The following SLC22A3 variants were observed in gnomAD, a reference collection of about 807,000 sequenced individuals.
The protein encoded by SLC22A3 is solute carrier family 22 member 3, also known as EMT organic cation transporter 3.
A neutral mutation model predicts 59.1 loss-of-function variants in SLC22A3; 51 were observed. That is an observed-to-expected ratio of 0.86 (90% CI 0.69 to 1.09). The LOEUF is 1.09. Among genes scored for constraint, SLC22A3 ranks in the 50% least tolerant of loss-of-function variants. The pLI, the probability that SLC22A3 is intolerant of heterozygous loss-of-function variation, is 0.00. For synonymous variants in SLC22A3, 325 were observed against 292.0 expected (o/e 1.11, Z -1.15); for missense variants, 711 against 726.3 (o/e 0.98, Z 0.24).
intron 1 of SLC22A3, among the ~76,000 whole-genome samples, chr6:160,363,639 T>A (rs78578240): frequency 0.012 from 1,889 of 152,254 alleles, 34 homozygotes; most frequent in Middle Eastern, 0.058. Flanking sequence ...GCATAGACCC[T>A]GTTCCTAATC....
intron 1 of SLC22A3, among the ~76,000 whole-genome samples, chr6:160,362,633 A>T (rs947366379): frequency 3.3e-5 from 5 of 152,164 alleles, no homozygotes; most frequent in Non-Finnish European, 7.4e-5. Flanking sequence ...ACTGAGGGAC[A>T]CCGCGGGATG....
chr6:160,400,877 C>T (rs1333544383), intron 2 of SLC22A3, among the ~76,000 whole-genome samples: 1 of 150,322 alleles, frequency 6.7e-6, no homozygotes, highest in Non-Finnish European at 1.5e-5. Context: ...ATCAAAAACA[C>T]TGTAACAGAA....
chr6:160,406,578 A>C (rs2114850783), intron 2 of SLC22A3, among the ~76,000 whole-genome samples: 1 of 152,354 alleles, frequency 6.6e-6, no homozygotes, highest in East Asian at 1.9e-4. Flanking sequence ...AAAGGTGGGA[A>C]TAAACAAAAA....
intron 1 of SLC22A3, among the ~76,000 whole-genome samples, chr6:160,373,780 A>G (rs1785488407): frequency 6.6e-6 from 1 of 152,102 alleles, no homozygotes; most frequent in South Asian, 2.1e-4. Flanking sequence ...GTCCAGTTCA[A>G]ACTTCCCAGA....
At chr6:160,359,223 T>C (rs997740452) in intron 1 of SLC22A3, among the ~76,000 whole-genome samples, 6 of 152,100 alleles carry the variant, frequency 3.9e-5, no homozygotes, top group African/African-American at 1.4e-4. Flanking sequence ...AATCCAAATC[T>C]ATGAAATGAA....
intron 1 of SLC22A3, among the ~76,000 whole-genome samples, chr6:160,355,597 T>TAAAA (rs771723533): frequency 7.0e-6 from 1 of 143,604 alleles, no homozygotes. Flanking sequence ...CCGTCTCTAC[T>TAAAA]AAAAAAAAAA....
intron 3 of SLC22A3, among the ~76,000 whole-genome samples, chr6:160,408,183 A>T (rs1298288794): frequency 6.6e-6 from 1 of 152,214 alleles, no homozygotes; most frequent in African/African-American, 2.4e-5. Context: ...CAGGAAAGGA[A>T]AAGATTTCAG....
At chr6:160,407,934 T>C (rs940071543) in intron 3 of SLC22A3, among the ~76,000 whole-genome samples, 2 of 152,116 alleles carry the variant, frequency 1.3e-5, no homozygotes, top group African/African-American at 2.4e-5. Context: ...TGCTATACAA[T>C]CTCCAAGCAG....
chr6:160,446,261 C>T (rs1788740158), intron 9 of SLC22A3, among the ~76,000 whole-genome samples: 1 of 152,200 alleles, frequency 6.6e-6, no homozygotes, highest in Admixed American at 6.5e-5. Flanking sequence ...TGGAGGAGGG[C>T]AGGCAGAGGC....
intron 1 of SLC22A3, among the ~76,000 whole-genome samples, chr6:160,370,481 T>C (rs1161355097): frequency 6.6e-6 from 1 of 152,202 alleles, no homozygotes; most frequent in Non-Finnish European, 1.5e-5. Context: ...TGAAATCCAG[T>C]GTTAGAACCA....
chr6:160,417,356 G>A (rs1248384250), intron 5 of SLC22A3, among the ~76,000 whole-genome samples: 2 of 152,218 alleles, frequency 1.3e-5, no homozygotes, highest in African/African-American at 4.8e-5. Context: ...TGCAGCAGCT[G>A]ACCTACAGCT....
chr6:160,420,979 G>A (rs1373301137), intron 5 of SLC22A3, among the ~76,000 whole-genome samples: 1 of 152,182 alleles, frequency 6.6e-6, no homozygotes, highest in East Asian at 1.9e-4. Flanking sequence ...AGAGCCTCAT[G>A]TCTACCTGGT....
chr6:160,399,823 A>G (rs1198544996), intron 2 of SLC22A3, among the ~76,000 whole-genome samples: 1 of 152,182 alleles, frequency 6.6e-6, no homozygotes, highest in Non-Finnish European at 1.5e-5. Flanking sequence ...TGAAAAATCA[A>G]TAATTCTTCT....
At chr6:160,445,489 G>A (rs1788705770) in intron 9 of SLC22A3, among the ~76,000 whole-genome samples, 1 of 152,210 alleles carries the variant, frequency 6.6e-6, no homozygotes, top group African/African-American at 2.4e-5. Context: ...AGCTGGCCTT[G>A]CATTGTAGAA....
chr6:160,412,771 T>A (rs1366485401), intron 5 of SLC22A3, among the ~76,000 whole-genome samples: 1 of 152,120 alleles, frequency 6.6e-6, no homozygotes, highest in Non-Finnish European at 1.5e-5. Flanking sequence ...ATTTTAATCA[T>A]CCAGTGAATA....
intron 1 of SLC22A3, among the ~76,000 whole-genome samples, chr6:160,379,151 A>G (rs1361164755): frequency 6.6e-6 from 1 of 152,204 alleles, no homozygotes; most frequent in Non-Finnish European, 1.5e-5. Context: ...CCTCACATCA[A>G]GGCAAGGAGG....
chr6:160,387,507 C>T (rs557488164), intron 1 of SLC22A3, among the ~76,000 whole-genome samples: 1 of 152,312 alleles, frequency 6.6e-6, no homozygotes, highest in East Asian at 1.9e-4. Context: ...GATTTCTTTG[C>T]TACAGGATTT....
chr6:160,395,308 C>T (rs1233873086), intron 1 of SLC22A3, among the ~76,000 whole-genome samples: 1 of 152,160 alleles, frequency 6.6e-6, no homozygotes, highest in Non-Finnish European at 1.5e-5. Context: ...CAGCTGAATA[C>T]ATGTATTAAA....
At chr6:160,371,004 C>T (rs1376638113) in intron 1 of SLC22A3, among the ~76,000 whole-genome samples, 1 of 152,152 alleles carries the variant, frequency 6.6e-6, no homozygotes, top group Non-Finnish European at 1.5e-5. Context: ...ACCTCCTCTC[C>T]CTCCTCTGTG....
Sources: allele counts gnomAD v4.1 joint callset (sites outside exome capture counted in the v4.1 genomes callset), GRCh38; gene constraint gnomAD v4.1.1; transcripts MANE v1.5; gene names NCBI Gene and HGNC (gene_info 2026-07-23, HGNC 2026-07-21).